The following RNF220 variants were observed in gnomAD, a reference collection of about 807,000 sequenced individuals.
RNF220 encodes the protein E3 ubiquitin-protein ligase RNF220.
RNF220 carries 7 observed loss-of-function variants against 67.1 expected under a neutral mutation model. That is an observed-to-expected ratio of 0.10 (90% CI 0.06 to 0.20). The LOEUF is 0.20. Among genes scored for constraint, RNF220 ranks in the 10% least tolerant of loss-of-function variants. RNF220 has a pLI of 1.00. For synonymous variants in RNF220, 270 were observed against 283.2 expected, an observed-to-expected ratio of 0.95 and a Z score of 0.47; for missense variants, 565 against 740.3, an observed-to-expected ratio of 0.76 and a Z score of 2.75.
intron 2 of RNF220, among the ~76,000 whole-genome samples, chr1:44,470,133 C>T (rs774540640): frequency 2.0e-5 from 3 of 152,138 alleles, no homozygotes; most frequent in Non-Finnish European, 4.4e-5. Context: ...GGTGCTTAGA[C>T]CACCATGGTA....
intron 2 of RNF220, chr1:44,424,008 C>A (rs1016806431): frequency 1.0e-6 from 1 of 985,430 alleles, no homozygotes; most frequent in Non-Finnish European, 1.2e-6. Context: ...GGCCTCTTAT[C>A]TTCATCATCG....
Position 44,649,161 on chromosome 1 carries a change from T to G in RNF220, c.1446-500T>G, listed in dbSNP as rs1644724870. On this transcript the variant is annotated intron_variant, in intron 12 of 14. Coordinates refer to ENST00000361799, the MANE Select transcript of RNF220 (RefSeq NM_018150.4). This position sits in a 1 kb window ranked among gnomAD's most constrained non-coding sequence, Gnocchi z 5.9. ...GCTGGACCAAGGAGTGTAGTGGAGCTCTCTACTCCAAGGGGGACATTGGAA... is the reference window on the plus strand; with the variant it reads ...GCTGGACCAAGGAGTGTAGTGGAGCGCTCTACTCCAAGGGGGACATTGGAA... 2 of 183,038 alleles carry G rather than the reference T, an allele frequency of 1.1e-5. No individual in the cohort carries two copies. The highest frequency in any genetic ancestry group is 4.8e-5 in the African/African-American group (2 of 41,610). 11.3% of individuals were successfully genotyped at this position (183,038 alleles called of 1,614,324 possible). A position where few individuals can be genotyped will look rare whatever the true frequency, so the allele number is the denominator to read the frequency against.
intron 2 of RNF220, among the ~76,000 whole-genome samples, chr1:44,596,472 G>T (rs1415866295): frequency 2.1e-5 from 3 of 141,548 alleles, no homozygotes; most frequent in African/African-American, 7.7e-5. Context: ...TGAGGCAGGA[G>T]AATCACTTGA....
chr1:44,623,763 G>A (rs1643873267), intron 4 of RNF220, among the ~76,000 whole-genome samples: 1 of 152,206 alleles, frequency 6.6e-6, no homozygotes, highest in South Asian at 2.1e-4. Context: ...GGCAGGGAAG[G>A]AGACAGAGGA....
chr1:44,470,503 C>T (rs1370613707), intron 2 of RNF220, among the ~76,000 whole-genome samples: 5 of 152,202 alleles, frequency 3.3e-5, no homozygotes, highest in Non-Finnish European at 2.9e-5. Context: ...CCCCCTTCTT[C>T]GAGACCCTTG....
At chr1:44,566,452 C>A (rs1664022666) in intron 2 of RNF220, among the ~76,000 whole-genome samples, 1 of 152,190 alleles carries the variant, frequency 6.6e-6, no homozygotes, top group Non-Finnish European at 1.5e-5. Flanking sequence ...TGGAAGAGAC[C>A]AGAAGACAGG....
intron 6 of RNF220, among the ~76,000 whole-genome samples, chr1:44,634,972 G>T (rs1644281562): frequency 6.6e-6 from 1 of 152,144 alleles, no homozygotes. Context: ...TTATGACTGG[G>T]CCTCAGTCTC....
At chr1:44,529,518 G>A (rs950124905) in intron 2 of RNF220, among the ~76,000 whole-genome samples, 7 of 152,020 alleles carry the variant, frequency 4.6e-5, no homozygotes, top group African/African-American at 1.7e-4. Context: ...GGAACTACAG[G>A]CAAGTGCCAC....
At chr1:44,616,966 T>A (rs916543438) in intron 3 of RNF220, among the ~76,000 whole-genome samples, 17 of 151,868 alleles carry the variant, frequency 1.1e-4, no homozygotes, top group African/African-American at 3.9e-4. Context: ...CACAACCCCC[T>A]TATCCCTCAC....
intron 2 of RNF220, among the ~76,000 whole-genome samples, chr1:44,545,008 C>T (rs1256448317): frequency 6.6e-6 from 1 of 152,232 alleles, no homozygotes; most frequent in East Asian, 1.9e-4. Context: ...TGGCTCTAGA[C>T]CCTGGGAATA....
intron 5 of RNF220, 124 bp downstream of exon 5, chr1:44,626,522 T>C (rs956163570): frequency 2.8e-5 from 21 of 739,518 alleles, no homozygotes; most frequent in African/African-American, 2.1e-4. Context: ...CTGGGTTTGG[T>C]TCCCCCTGTG....
At chr1:44,463,253 T>A (rs569117299) in intron 2 of RNF220, among the ~76,000 whole-genome samples, 77 of 151,600 alleles carry the variant, frequency 5.1e-4, no homozygotes, top group African/African-American at 1.8e-3. Context: ...AAGAATCGTT[T>A]CAACCCGGGA....
At position 44,600,081 on chromosome 1, in the gene RNF220, T is replaced by C. The variant is rs1360317040; in HGVS notation, c.626-14084T>C. ...ACAGGGAAGATGTTGACTTACTGGA[T>C]GTAGGGACTGGAGTAAAGAGTAAAA... On this transcript the variant is annotated intron_variant, in intron 2 of 14. Coordinates refer to ENST00000361799, the MANE Select transcript of RNF220 (RefSeq NM_018150.4). The surrounding 1 kb of genome is among the most constrained non-coding windows in gnomAD (Gnocchi z 4.0). Among the ~76,000 whole-genome samples, 1 of 152,202 alleles carries C rather than the reference T, an allele frequency of 6.6e-6. No homozygotes were observed. Among genetic ancestry groups the C allele is most frequent in the Non-Finnish European group, 1.5e-5 (1 of 68,042 alleles).
intron 2 of RNF220, among the ~76,000 whole-genome samples, chr1:44,507,447 C>T (rs1235185241): frequency 1.4e-5 from 2 of 146,632 alleles, no homozygotes; most frequent in Non-Finnish European, 3.0e-5. Flanking sequence ...AGAAATGCTG[C>T]GGTGATTGGG....
intron 2 of RNF220, among the ~76,000 whole-genome samples, chr1:44,472,340 C>G (rs1051064218): frequency 2.0e-5 from 3 of 152,198 alleles, no homozygotes; most frequent in African/African-American, 7.2e-5. Context: ...CCTGCATCAG[C>G]CTTGCATGAG....
At chr1:44,605,535 G>A (rs1234083824) in intron 2 of RNF220, among the ~76,000 whole-genome samples, 2 of 152,150 alleles carry the variant, frequency 1.3e-5, no homozygotes, top group East Asian at 1.9e-4. Flanking sequence ...TCTGCTACAT[G>A]CTGGGGCTAT....
chr1:44,642,774 C>CAGG (rs1473691442), intron 8 of RNF220, among the ~76,000 whole-genome samples: 2 of 152,170 alleles, frequency 1.3e-5, no homozygotes. Flanking sequence ...GGGTTCTCTG[C>CAGG]TTTCCACTTA....
intron 2 of RNF220, among the ~76,000 whole-genome samples, chr1:44,451,168 G>A (rs1652636637): frequency 1.3e-5 from 2 of 150,694 alleles, no homozygotes; most frequent in Admixed American, 6.6e-5. Context: ...GGGCGACAGA[G>A]TGAGACTCCG....
At chr1:44,495,506 G>T (rs1657260962) in intron 2 of RNF220, among the ~76,000 whole-genome samples, 1 of 152,182 alleles carries the variant, frequency 6.6e-6, no homozygotes, top group Non-Finnish European at 1.5e-5. Context: ...AGTTAGTAAG[G>T]GAACGTAACC....
Sources: allele counts gnomAD v4.1 joint callset (sites outside exome capture counted in the v4.1 genomes callset), GRCh38; gene constraint gnomAD v4.1.1; non-coding constraint Gnocchi (gnomAD v3.1); transcripts MANE v1.5; gene names NCBI Gene and HGNC (gene_info 2026-07-23, HGNC 2026-07-21).